ESRRG: variants seen among roughly 807,000 people sequenced by gnomAD.
ESRRG encodes estrogen related receptor gamma, also known as estrogen-related receptor gamma.
A neutral mutation model predicts 44.0 loss-of-function variants in ESRRG; 13 were observed. The observed-to-expected ratio is 0.30, with a 90% CI of 0.19 to 0.47. The LOEUF is 0.47. Ranked by LOEUF, ESRRG falls within the 20% of genes least tolerant of loss-of-function variation. The pLI is 1.00. For synonymous variants in ESRRG, 215 were observed against 214.6 expected (o/e 1.00, Z -0.02); for missense variants, 395 against 580.6 (o/e 0.68, Z 3.29).
At chr1:216,642,071 A>C (rs532144833) in intron 3 of ESRRG, among the ~76,000 whole-genome samples, 29 of 152,302 alleles carry the variant, frequency 1.9e-4, no homozygotes, top group Non-Finnish European at 3.1e-4. Flanking sequence ...AAATACATAC[A>C]TGAATATTTC....
chr1:217,135,542 G>C (rs1285003400), intron 1 of ESRRG, among the ~76,000 whole-genome samples: 1 of 151,556 alleles, frequency 6.6e-6, no homozygotes, highest in Non-Finnish European at 1.5e-5. Flanking sequence ...CGGCGGCGGC[G>C]GCGGTGTTGG....
chr1:217,001,431 A>G (rs1159452450), intron 1 of ESRRG, among the ~76,000 whole-genome samples: 1 of 152,250 alleles, frequency 6.6e-6, no homozygotes, highest in Non-Finnish European at 1.5e-5. Context: ...TCTTCCATTA[A>G]TAATTCCTTC....
intron 1 of ESRRG, among the ~76,000 whole-genome samples, chr1:217,031,208 C>T (rs137895697): frequency 1.3e-5 from 2 of 152,198 alleles, no homozygotes; most frequent in Non-Finnish European, 2.9e-5. Context: ...TTTACTATCT[C>T]GCCCTTTACA....
chr1:216,735,565 C>T (rs2089717925), intron 2 of ESRRG, among the ~76,000 whole-genome samples: 1 of 152,194 alleles, frequency 6.6e-6, no homozygotes, highest in Non-Finnish European at 1.5e-5. Context: ...CTGCCTCCAC[C>T]TCTGTCACCC....
chr1:217,088,801 T>C (rs2092250653), intron 1 of ESRRG, among the ~76,000 whole-genome samples: 1 of 152,098 alleles, frequency 6.6e-6, no homozygotes, highest in Admixed American at 6.5e-5. Flanking sequence ...TGTGTCTTTC[T>C]GTCTCTGAGA....
upstream of ESRRG, among the ~76,000 whole-genome samples, chr1:217,091,979 TCAGA>T (rs1178484236): frequency 1.3e-5 from 2 of 152,222 alleles, no homozygotes; most frequent in African/African-American, 4.8e-5. Flanking sequence ...TTTGTTCTTT[TCAGA>T]CAAATGTCTT....
intron 2 of ESRRG, among the ~76,000 whole-genome samples, chr1:216,656,051 T>C (rs1263376707): frequency 6.6e-6 from 1 of 152,186 alleles, no homozygotes; most frequent in African/African-American, 2.4e-5. Flanking sequence ...GGGGCACTTG[T>C]TTTCCTTCCA....
chr1:216,738,138 C>G (rs568923732), intron 2 of ESRRG, among the ~76,000 whole-genome samples: 1 of 151,836 alleles, frequency 6.6e-6, no homozygotes, highest in African/African-American at 2.4e-5. Context: ...GTGAAAATCT[C>G]TGAGGGTGGG....
rs760135964 is a variant in ESRRG, at chr1:216,904,980, G to A, written c.-14+34602C>T. 3.3e-5 allele frequency among the ~76,000 whole-genome samples: 5 copies of A among 152,238 alleles called. No individual in the cohort carries two copies. In the South Asian group the frequency reaches 6.2e-4, roughly 19 times the overall value. ...TTTCAATACCATCCAACACAAAATAGCATTTTATTTCATTCAAACTAGGAT... is the reference window on the plus strand; with the variant it reads ...TTTCAATACCATCCAACACAAAATAACATTTTATTTCATTCAAACTAGGAT... On this transcript the variant is annotated intron_variant, in intron 2 of 7. Transcript: ENST00000359162.
chr1:217,125,861 T>A (rs2092882624), intron 1 of ESRRG, among the ~76,000 whole-genome samples: 1 of 152,186 alleles, frequency 6.6e-6, no homozygotes, highest in South Asian at 2.1e-4. Context: ...TATTTCAAGA[T>A]GTTTGGTGTC....
intron 1 of ESRRG, among the ~76,000 whole-genome samples, chr1:217,126,532 G>A (rs1442128107): frequency 6.6e-6 from 1 of 152,014 alleles, no homozygotes; most frequent in Non-Finnish European, 1.5e-5. Context: ...GCCAAATCAT[G>A]GTGAGGGTCA....
chr1:217,128,888 C>T (rs538531948), intron 1 of ESRRG, among the ~76,000 whole-genome samples: 1 of 152,206 alleles, frequency 6.6e-6, no homozygotes, highest in East Asian at 1.9e-4. Context: ...ATAACTACTG[C>T]TATCTCCTCA....
intron 2 of ESRRG, among the ~76,000 whole-genome samples, chr1:216,926,922 C>G (rs921179784): frequency 6.6e-5 from 10 of 152,214 alleles, no homozygotes; most frequent in East Asian, 1.9e-4. Context: ...TCTCCCTGCA[C>G]GAAGAATAGC....
chr1:216,564,148 C>G (rs765185519), intron 5 of ESRRG, 71 bp downstream of exon 5: 10 of 934,006 alleles, frequency 1.1e-5, no homozygotes, highest in Non-Finnish European at 1.5e-5. Context: ...TTGAATTCAC[C>G]CAAATCTATA....
chr1:216,557,597 G>A (rs955008414), intron 5 of ESRRG, among the ~76,000 whole-genome samples: 1 of 152,030 alleles, frequency 6.6e-6, no homozygotes, highest in Non-Finnish European at 1.5e-5. Context: ...TCACATAAAA[G>A]TTTATAAGGG....
At chr1:216,860,297 G>A (rs1402442388) in intron 2 of ESRRG, among the ~76,000 whole-genome samples, 1 of 151,772 alleles carries the variant, frequency 6.6e-6, no homozygotes, top group Non-Finnish European at 1.5e-5. Flanking sequence ...ATAAGAAAAA[G>A]GAAAAAATAG....
At chr1:216,682,021 T>G (rs192418099) in intron 1 of ESRRG, 6 of 152,322 alleles carry the variant, frequency 3.9e-5, no homozygotes, top group Admixed American at 2.0e-4. Flanking sequence ...TTGTATTTGT[T>G]AAACTCTGGA....
At chr1:217,134,678 G>C (rs1327703834) in intron 1 of ESRRG, among the ~76,000 whole-genome samples, 2 of 152,242 alleles carry the variant, frequency 1.3e-5, no homozygotes, top group Non-Finnish European at 2.9e-5. Flanking sequence ...CCTGGCTGCG[G>C]CTCCGAGCGC....
At chr1:216,713,678 C>A (rs1244776030) in intron 1 of ESRRG, among the ~76,000 whole-genome samples, 1 of 152,170 alleles carries the variant, frequency 6.6e-6, no homozygotes, top group African/African-American at 2.4e-5. Flanking sequence ...TTTCTTTTAT[C>A]AACATATTCA....
Sources: allele counts gnomAD v4.1 joint callset (sites outside exome capture counted in the v4.1 genomes callset), GRCh38; gene constraint gnomAD v4.1.1; transcripts MANE v1.5; gene names NCBI Gene and HGNC (gene_info 2026-07-23, HGNC 2026-07-21).